The following RTN4R variants were observed in gnomAD, a reference collection of about 807,000 sequenced individuals.
The protein encoded by RTN4R is reticulon 4 receptor.
Under a neutral mutation model 27.7 loss-of-function variants are expected in RTN4R, and 4 were observed. The observed-to-expected ratio is 0.14, with a 90% CI of 0.07 to 0.33. The LOEUF (loss-of-function observed/expected upper bound fraction) is 0.33. RTN4R is among the 10% of genes least tolerant of loss of function. RTN4R has a pLI of 1.00. For synonymous variants in RTN4R, 290 were observed against 305.6 expected, an observed-to-expected ratio of 0.95 and a Z score of 0.53; for missense variants, 554 against 671.5, an observed-to-expected ratio of 0.83 and a Z score of 1.93.
chr22:20,248,963 C>T (rs1047484132), intron 1 of RTN4R, among the ~76,000 whole-genome samples: 3 of 152,160 alleles, frequency 2.0e-5, no homozygotes, highest in Non-Finnish European at 2.9e-5. Context: ...TCGGCTCCCA[C>T]CCCAGTGAGC....
chr22:20,264,326 G>T (rs2051265012), intron 1 of RTN4R, among the ~76,000 whole-genome samples: 2 of 152,334 alleles, frequency 1.3e-5, no homozygotes, highest in South Asian at 4.1e-4. Flanking sequence ...TTAAAATACA[G>T]CGATAAAAGA....
At chr22:20,250,944 G>A (rs1034562881) in intron 1 of RTN4R, among the ~76,000 whole-genome samples, 3 of 152,156 alleles carry the variant, frequency 2.0e-5, no homozygotes, top group African/African-American at 7.2e-5. Context: ...GACACAGTCC[G>A]GCTTCGGAGG....
chr22:20,242,853 C>T lies in RTN4R; in HGVS notation c.280G>A (p.Ala94Thr), dbSNP rs779445604. 1.6e-5 allele frequency: 26 copies of T among 1,612,956 alleles called. No individual in the cohort carries two copies. Among genetic ancestry groups the T allele is most frequent in the African/African-American group, 2.7e-5 (2 of 74,920 alleles). Residue 94 changes from alanine to threonine, a missense_variant, in exon 2 of 2, where the codon GCC becomes ACC. Around this residue, in one of 2 missense-constraint regions of RTN4R, gnomAD observed 413 missense variants for 542.3 expected, o/e 0.76. Transcript: ENST00000043402. ...TILWLHSNVL[A>T]RIDAAAFTGL... ...GTGAAGGCAGCCGCATCAATTCGGG[C>T]CAGCACATTCGAGTGCAGCCACAGG...
chr22:20,267,644 A>G (rs782155547), intron 1 of RTN4R: 2 of 467,022 alleles, frequency 4.3e-6, no homozygotes, highest in South Asian at 3.1e-5. Flanking sequence ...CCAGACCGTG[A>G]GGCTGGGGTG....
At chr22:20,250,855 GCACACACA>G (rs35094087) in intron 1 of RTN4R, among the ~76,000 whole-genome samples, 1 of 150,320 alleles carries the variant, frequency 6.7e-6, no homozygotes, top group Non-Finnish European at 1.5e-5. Flanking sequence ...ACACATGCAT[GCACACACA>G]CACACACACA....
intron 1 of RTN4R, among the ~76,000 whole-genome samples, chr22:20,260,979 G>A (rs967420909): frequency 8.5e-5 from 13 of 152,096 alleles, no homozygotes; most frequent in African/African-American, 2.9e-4. Context: ...CTCCCACCCC[G>A]TCATAGCCTC....
intron 1 of RTN4R, among the ~76,000 whole-genome samples, chr22:20,247,354 G>C (rs959977774): frequency 6.6e-6 from 1 of 152,088 alleles, no homozygotes; most frequent in African/African-American, 2.4e-5. Flanking sequence ...AGTGCACCAA[G>C]GCCAGAAATA....
chr22:20,251,854 C>CACCATGACCATCA (rs2051181501), intron 1 of RTN4R, among the ~76,000 whole-genome samples: 1 of 10,162 alleles, frequency 9.8e-5, no homozygotes, highest in Non-Finnish European at 2.1e-4. Flanking sequence ...CCTCATCACC[C>CACCATGACCATCA]TCACCATCCT....
chr22:20,247,524 A>G (rs1026658144), intron 1 of RTN4R, among the ~76,000 whole-genome samples: 25 of 116,860 alleles, frequency 2.1e-4, no homozygotes, highest in Non-Finnish European at 3.7e-4. Context: ...TCACATGTAC[A>G]CCCACCCGCC....
chr22:20,250,544 C>T (rs1020116615), intron 1 of RTN4R, among the ~76,000 whole-genome samples: 2 of 152,178 alleles, frequency 1.3e-5, no homozygotes, highest in African/African-American at 4.8e-5. Context: ...GAGAAGACCA[C>T]GGTCCTGCTG....
At position 20,268,201 on chromosome 22, in the gene RTN4R, G is replaced by A. The variant is rs2051290989; in HGVS notation, c.-109C>T. On this transcript the variant is annotated 5_prime_UTR_variant, in exon 1 of 2. Transcript: ENST00000043402. ...GGCGCCGCCGCTACGGCCCGGCCCC[G>A]GCCCGGCCGCGGGACGAGGCTCGGC... 5.3e-6 allele frequency: 2 copies of A among 377,140 alleles called. No individual in the cohort carries two copies. Among genetic ancestry groups the A allele is most frequent in the Non-Finnish European group, 7.5e-6 (2 of 267,926 alleles). 23.4% of individuals were successfully genotyped at this position (377,140 alleles called of 1,614,324 possible). A position where few individuals can be genotyped will look rare whatever the true frequency, so the allele number is the denominator to read the frequency against.
At position 20,257,704 on chromosome 22, in the gene RTN4R, T is replaced by C. The variant is rs542084450; in HGVS notation, c.22+10367A>G. Among the ~76,000 whole-genome samples the C allele has an allele frequency of 1.3e-3, 192 of 152,378 alleles. 1 individual carries two copies. The highest frequency in any genetic ancestry group is 2.4e-3 in the Non-Finnish European group (164 of 68,032). The stretch of plus-strand genomic sequence containing the variant: ...CTTTCTTAAAACTTTGGTGTATTTT[T>C]CCAGATTTTCTACAATGAACATGAC... On this transcript the variant is annotated intron_variant, in intron 1 of 1. Coordinates refer to ENST00000043402, the MANE Select transcript of RTN4R (RefSeq NM_023004.6).
chr22:20,267,672 C>G, intron 1 of RTN4R: 2 of 464,946 alleles, frequency 4.3e-6, no homozygotes, highest in Non-Finnish European at 4.4e-6. Context: ...CCCGACACCC[C>G]CACCCACCCT....
chr22:20,252,194 C>T (rs1404670487), intron 1 of RTN4R, among the ~76,000 whole-genome samples: 3 of 152,194 alleles, frequency 2.0e-5, no homozygotes. Context: ...GTCATCATCA[C>T]TATCATCACA....
chr22:20,250,997 G>A (rs1318280363), intron 1 of RTN4R, among the ~76,000 whole-genome samples: 1 of 152,218 alleles, frequency 6.6e-6, no homozygotes, highest in Non-Finnish European at 1.5e-5. Context: ...ATCCAGTGCA[G>A]GTAGTTTTGA....
At chr22:20,264,910 C>T (rs1167299806) in intron 1 of RTN4R, among the ~76,000 whole-genome samples, 1 of 152,210 alleles carries the variant, frequency 6.6e-6, no homozygotes, top group Non-Finnish European at 1.5e-5. Context: ...GGAGCCCTCA[C>T]TAACCCTGTG....
intron 1 of RTN4R, chr22:20,243,506 G>A (rs148040996): frequency 2.0e-4 from 101 of 498,416 alleles, no homozygotes; most frequent in African/African-American, 1.9e-3. Context: ...GGGTCCCAGT[G>A]GGGGTTCCAC....
In RTN4R at chr22:20,241,579, C is replaced by G. The variant is rs1859531926; in HGVS notation, c.*132G>C. On this transcript the variant is annotated 3_prime_UTR_variant, in exon 2 of 2. Transcript: ENST00000043402. ...GGGTGGAGATGGGGGTGGCGGGCGG[C>G]AGGCGTCCATCAGGGAGGACCTGGC... is the stretch of plus-strand genomic sequence containing the variant. 1.0e-6 allele frequency: 1 copy of G among 953,086 alleles called. No individual in the cohort carries two copies. Among genetic ancestry groups the G allele is most frequent in the African/African-American group, 1.6e-5 (1 of 61,302 alleles). The allele number at this position is 953,086 out of a possible 1,614,324, so 59.0% of individuals were successfully genotyped here. A position where few individuals can be genotyped will look rare whatever the true frequency, so the allele number is the denominator to read the frequency against.
At chr22:20,249,883 C>T (rs2051165724) in intron 1 of RTN4R, among the ~76,000 whole-genome samples, 1 of 152,246 alleles carries the variant, frequency 6.6e-6, no homozygotes, top group Non-Finnish European at 1.5e-5. Context: ...GGCTTGTTCT[C>T]AGCAGCCTTG....
Sources: allele counts gnomAD v4.1 joint callset (sites outside exome capture counted in the v4.1 genomes callset), GRCh38; gene constraint gnomAD v4.1.1; regional missense constraint gnomAD v4.1.1; transcripts MANE v1.5; gene names NCBI Gene and HGNC (gene_info 2026-07-23, HGNC 2026-07-21).